The following WDFY3 variants were observed in gnomAD, a reference collection of about 807,000 sequenced individuals.
WDFY3 encodes WD repeat and FYVE domain containing 3, also known as WD repeat and FYVE domain-containing protein 3.
A neutral mutation model predicts 409.6 loss-of-function variants in WDFY3; 66 were observed. The ratio of observed to expected loss-of-function variants is 0.16; its 90% CI spans 0.13 to 0.20. WDFY3 has a LOEUF of 0.20. Ranked by LOEUF, WDFY3 falls within the 10% of genes least tolerant of loss-of-function variation. The pLI is 1.00. For missense variants in WDFY3, 3,031 were observed against 4,298.1 expected (o/e 0.71, Z 8.24); for synonymous variants, 1,521 against 1,537.1 (o/e 0.99, Z 0.25).
chr4:84,678,430 G>C, intron 65 of WDFY3, 151 bp from the exon 66 acceptor site: 1 of 589,080 alleles, frequency 1.7e-6, no homozygotes, highest in Non-Finnish European at 3.1e-6. Flanking sequence ...TGCCTTGGTT[G>C]AAAGTAAAGC....
chr4:84,670,283 A>G lies in WDFY3; in HGVS notation c.*2585T>C, dbSNP rs1466210939. ...CCCTATGAGGTACTCTCAGAAAAAGAATGCAGACCATACTAAGGTAGATGT... is the reference window on the plus strand; with the variant it reads ...CCCTATGAGGTACTCTCAGAAAAAGGATGCAGACCATACTAAGGTAGATGT... On this transcript the variant is annotated 3_prime_UTR_variant, in exon 68 of 68. Coordinates refer to ENST00000295888, the MANE Select transcript of WDFY3 (RefSeq NM_014991.6). 1 of 152,682 alleles carries G rather than the reference A, an allele frequency of 6.5e-6. No homozygotes were observed. Among genetic ancestry groups the G allele is most frequent in the Non-Finnish European group, 1.5e-5 (1 of 68,048 alleles). 9.5% of individuals were successfully genotyped at this position (152,682 alleles called of 1,614,324 possible).
intron 13 of WDFY3, among the ~76,000 whole-genome samples, chr4:84,814,824 G>C (rs1206301405): frequency 1.3e-5 from 2 of 152,052 alleles, no homozygotes; most frequent in South Asian, 4.2e-4. Flanking sequence ...AATATACACA[G>C]GAAAAAAACA....
chr4:84,835,655 T>C (rs1199705088), intron 7 of WDFY3, among the ~76,000 whole-genome samples: 1 of 152,218 alleles, frequency 6.6e-6, no homozygotes, highest in East Asian at 1.9e-4. Context: ...CTCTCTCCTG[T>C]CCTTTCATCA....
In WDFY3 at chr4:84,803,358, T is replaced by C; in HGVS notation, c.2539A>G (p.Ile847Val). 1.2e-6 allele frequency: 2 copies of C among 1,614,134 alleles called. No homozygotes were observed. The highest frequency in any genetic ancestry group is 1.7e-6 in the Non-Finnish European group (2 of 1,180,010). ...SSLQSSDAVI[I>V]HPGAMLAMLD... ...ATGGCAAGCATGGCTCCAGGATGAA[T>C]GATGACTGCATCAGAACTCTGCAGA... Residue 847 changes from isoleucine to valine, a missense_variant, in exon 16 of 68, where the codon ATT becomes GTT. Coordinates refer to ENST00000295888, the MANE Select transcript of WDFY3 (RefSeq NM_014991.6).
chr4:84,809,734 G>C, intron 14 of WDFY3, 153 bp downstream of exon 14: 2 of 655,286 alleles, frequency 3.1e-6, no homozygotes, highest in Non-Finnish European at 4.9e-6. Flanking sequence ...CAGAGCAAGA[G>C]TAATATTCAA....
chr4:84,812,352 C>T (rs564287506), intron 13 of WDFY3, among the ~76,000 whole-genome samples: 19 of 152,108 alleles, frequency 1.2e-4, no homozygotes, highest in African/African-American at 3.9e-4. Context: ...TGCGCATGCA[C>T]GCACACACAC....
At chr4:84,956,561 TCAAA>T (rs1312980120) in intron 1 of WDFY3, among the ~76,000 whole-genome samples, 1 of 152,198 alleles carries the variant, frequency 6.6e-6, no homozygotes, top group African/African-American at 2.4e-5. Flanking sequence ...CACAAAAGAA[TCAAA>T]CAACTGTAAT....
chr4:84,683,829 G>A, intron 63 of WDFY3, 114 bp downstream of exon 63: 1 of 1,123,930 alleles, frequency 8.9e-7, no homozygotes. Context: ...GCTGGAGCGA[G>A]AGTTCACTAA....
intron 2 of WDFY3, among the ~76,000 whole-genome samples, chr4:84,901,723 A>C (rs1766366989): frequency 6.6e-6 from 1 of 152,116 alleles, no homozygotes; most frequent in Non-Finnish European, 1.5e-5. Context: ...AGAGCAAATA[A>C]TATGAGATTT....
intron 55 of WDFY3, 76 bp from the exon 56 acceptor site, chr4:84,702,582 A>ACAG: frequency 7.6e-7 from 1 of 1,321,724 alleles, no homozygotes; most frequent in Non-Finnish European, 1.0e-6. Context: ...CAAGAGCTTG[A>ACAG]AAACTCCAAC....
chr4:84,674,067 C>A (rs1463703857), intron 67 of WDFY3, among the ~76,000 whole-genome samples: 1 of 152,238 alleles, frequency 6.6e-6, no homozygotes. Flanking sequence ...ATAGAGACCA[C>A]AGGCTGTGTG....
chr4:84,822,227 T>G (rs1754177392), intron 10 of WDFY3, among the ~76,000 whole-genome samples: 1 of 152,098 alleles, frequency 6.6e-6, no homozygotes, highest in Non-Finnish European at 1.5e-5. Context: ...GACAGAAAGT[T>G]CTATTTGAAG....
chr4:84,868,415 T>C (rs2150288926), intron 3 of WDFY3, among the ~76,000 whole-genome samples: 1 of 152,140 alleles, frequency 6.6e-6, no homozygotes, highest in Non-Finnish European at 1.5e-5. Context: ...GTTCTACATA[T>C]AGTCCTGAAT....
intron 7 of WDFY3, 89 bp downstream of exon 7, chr4:84,836,840 A>G (rs953301667): frequency 8.4e-7 from 1 of 1,183,554 alleles, no homozygotes; most frequent in South Asian, 3.2e-5. Flanking sequence ...AATATGAGTT[A>G]AAAAATGGAA....
intron 32 of WDFY3, among the ~76,000 whole-genome samples, chr4:84,763,203 A>T (rs1363612951): frequency 2.6e-5 from 4 of 152,204 alleles, no homozygotes. Context: ...GGCAGCCATA[A>T]CAAAGAATGA....
In WDFY3 at chr4:84,794,949, A is replaced by T. The variant is rs771003256; in HGVS notation, c.3198T>A (p.His1066Gln). Residue 1066 changes from histidine (H) to glutamine (Q), a missense_variant, in exon 20 of 68, where the codon CAT (histidine) becomes CAA (glutamine). This residue lies in a region of WDFY3 where 1,322 missense variants were observed against 1,697.9 expected (regional missense o/e 0.78). Coordinates refer to ENST00000295888, the MANE Select transcript of WDFY3 (RefSeq NM_014991.6). ...GCLFLPSLAP[H>Q]NAPTNNTVTT... ...TGACGGTATTATTTGTAGGAGCATT[A>T]TGAGGGGCCAAACTGGGCAAAAAAA... The T allele has an allele frequency of 4.3e-5, 68 of 1,572,850 alleles. No homozygotes were observed. The highest frequency in any genetic ancestry group is 5.5e-5 in the Non-Finnish European group (64 of 1,163,940).
intron 1 of WDFY3, among the ~76,000 whole-genome samples, chr4:84,934,504 A>G (rs1771166283): frequency 1.3e-5 from 2 of 152,210 alleles, no homozygotes; most frequent in Admixed American, 1.3e-4. Context: ...TGGCAGATAC[A>G]TACAAGCTTA....
At chr4:84,696,599 T>A (rs751289254) in intron 57 of WDFY3, 133 bp downstream of exon 57, 11 of 766,944 alleles carry the variant, frequency 1.4e-5, no homozygotes, top group Non-Finnish European at 2.1e-5. Context: ...TCTTGGGATG[T>A]ATCCCCTGTA....
intron 1 of WDFY3, among the ~76,000 whole-genome samples, chr4:84,941,359 G>GAGAT (rs549116077): frequency 5.2e-4 from 79 of 152,002 alleles, no homozygotes; most frequent in South Asian, 1.9e-3. Context: ...TATAGATAAA[G>GAGAT]AGATAGATAG....
Sources: gnomAD v4.1 joint callset for allele counts (sites outside exome capture counted in the v4.1 genomes callset) on GRCh38, gnomAD v4.1.1 for gene constraint, gnomAD v4.1.1 regional missense constraint, MANE v1.5 for transcripts, NCBI Gene and HGNC (gene_info 2026-07-23, HGNC 2026-07-21) for gene names.